The following MIOS variants were observed in gnomAD, a reference collection of about 807,000 sequenced individuals.
MIOS encodes GATOR2 complex protein MIOS.
A neutral mutation model predicts 96.9 loss-of-function variants in MIOS; 52 were observed. The observed-to-expected ratio is 0.54, with a 90% CI of 0.43 to 0.68. The LOEUF (loss-of-function observed/expected upper bound fraction) is 0.68, where lower values mean the gene tolerates loss of function less well. Among genes scored for constraint, MIOS ranks in the 30% least tolerant of loss-of-function variants. The pLI is 0.00. For synonymous variants in MIOS, 397 were observed against 359.5 expected, an observed-to-expected ratio of 1.10 and a Z score of -1.18; for missense variants, 1,005 against 1,052.8, an observed-to-expected ratio of 0.95 and a Z score of 0.63.
rs1483989220 is a variant in MIOS, at chr7:7,573,154, G to A, written c.679G>A (p.Val227Ile). 2 of 1,614,048 alleles carry A rather than the reference G, an allele frequency of 1.2e-6. No homozygotes were observed. The highest frequency in any genetic ancestry group is 2.2e-5 in the East Asian group (1 of 44,876). Residue 227 changes from valine (V) to isoleucine (I), a missense_variant, in exon 4 of 13, where the codon GTT becomes ATT. By Grantham distance (29) the Val-to-Ile change is conservative (BLOSUM62 3). Transcript: ENST00000340080. This position sits in a 1 kb window ranked among gnomAD's most constrained non-coding sequence, Gnocchi z 5.0. ...AAAGATGTTCGTAAATACAAAAGCTGTTCAGGGTGTGACGGTAGACCCATA... is the reference window on the plus strand; with the variant it reads ...AAAGATGTTCGTAAATACAAAAGCTATTCAGGGTGTGACGGTAGACCCATA... ...SQKMFVNTKA[V>I]QGVTVDPYFH...
At chr7:7,580,117 C>T (rs1004709154) in intron 5 of MIOS, among the ~76,000 whole-genome samples, 1 of 152,170 alleles carries the variant, frequency 6.6e-6, no homozygotes, top group Non-Finnish European at 1.5e-5. Flanking sequence ...TGAAAATACA[C>T]ACCTTATAAT....
At chr7:7,580,884 G>A (rs1240349832) in intron 5 of MIOS, among the ~76,000 whole-genome samples, 9 of 149,556 alleles carry the variant, frequency 6.0e-5, no homozygotes. Context: ...ACCGGGTTTT[G>A]CCATGTTGGC....
In MIOS at chr7:7,603,902, G is replaced by A. The variant is rs748356262; in HGVS notation, c.2402-2040G>A. 7.0e-3 allele frequency among the ~76,000 whole-genome samples: 1,061 copies of A among 152,170 alleles called. 9 individuals carry two copies. Among genetic ancestry groups the A allele is most frequent in the Non-Finnish European group, 8.1e-3 (554 of 68,008 alleles). On this transcript the variant is annotated intron_variant, in intron 11 of 12. Coordinates refer to ENST00000340080, the MANE Select transcript of MIOS (RefSeq NM_019005.4). ...CAGCCATAAAAAATGATGAGTTCAT[G>A]TCCTTTGTAGGGACATGGATGAAGC... is the stretch of plus-strand genomic sequence containing the variant.
chr7:7,585,330 A>G (rs1195387117), intron 6 of MIOS, among the ~76,000 whole-genome samples: 1 of 151,922 alleles, frequency 6.6e-6, no homozygotes, highest in African/African-American at 2.4e-5. Flanking sequence ...GTTTGCACAC[A>G]TGGGCATGAG....
chr7:7,594,622 CAG>C (rs1178913024), intron 9 of MIOS, among the ~76,000 whole-genome samples: 3 of 152,106 alleles, frequency 2.0e-5, no homozygotes, highest in Non-Finnish European at 2.9e-5. Flanking sequence ...TGATAGTAAA[CAG>C]AGTTTGTGAA....
chr7:7,595,303 C>T (rs890169301), intron 10 of MIOS, among the ~76,000 whole-genome samples, 171 bp downstream of exon 10: 14 of 152,220 alleles, frequency 9.2e-5, no homozygotes, highest in African/African-American at 3.4e-4. Flanking sequence ...TTCTTGCTAA[C>T]AATCATCTCA....
At chr7:7,585,573 G>T (rs1783863169) in intron 6 of MIOS, 63 bp from the exon 7 acceptor site, 2 of 1,387,322 alleles carry the variant, frequency 1.4e-6, no homozygotes, top group Non-Finnish European at 1.9e-6. Context: ...TATGGTTTAA[G>T]AAATGTAGAA....
At chr7:7,603,211 A>T (rs1320447334) in intron 11 of MIOS, among the ~76,000 whole-genome samples, 1 of 152,006 alleles carries the variant, frequency 6.6e-6, no homozygotes, top group Non-Finnish European at 1.5e-5. Context: ...CAAAATTGAC[A>T]AATGGGATCT....
intron 5 of MIOS, among the ~76,000 whole-genome samples, chr7:7,576,500 G>T (rs997286883): frequency 3.3e-5 from 5 of 152,166 alleles, no homozygotes; most frequent in Middle Eastern, 3.2e-3. Flanking sequence ...ACAAGGTCCA[G>T]ACAGGGAGCA....
Position 7,573,914 on chromosome 7 carries a change from T to C in MIOS, c.1294+145T>C. On this transcript the variant is annotated intron_variant, in intron 4 of 12. Coordinates refer to ENST00000340080, the MANE Select transcript of MIOS (RefSeq NM_019005.4). This position sits in a 1 kb window ranked among gnomAD's most constrained non-coding sequence, Gnocchi z 5.0. ...CTAACATTATAAAGTAAAATTGTTC[T>C]AAACTTTCGAACTTGAAATACTGCT... The C allele has an allele frequency of 9.7e-7, 1 of 1,027,428 alleles. No individual in the cohort carries two copies. Among genetic ancestry groups the C allele is most frequent in the Non-Finnish European group, 1.4e-6 (1 of 714,862 alleles). The allele number at this position is 1,027,428 out of a possible 1,614,324, so 63.6% of individuals were successfully genotyped here.
At chr7:7,586,822 G>A (rs573476354) in intron 7 of MIOS, among the ~76,000 whole-genome samples, 1 of 152,212 alleles carries the variant, frequency 6.6e-6, no homozygotes, top group East Asian at 1.9e-4. Flanking sequence ...GACTTTAAAT[G>A]TATCTTGGAG....
chr7:7,571,361 A>G (rs1455204756), intron 3 of MIOS, among the ~76,000 whole-genome samples: 1 of 152,222 alleles, frequency 6.6e-6, no homozygotes, highest in Non-Finnish European at 1.5e-5. Flanking sequence ...TGTAGAAGCG[A>G]AAACTGAAAG....
chr7:7,587,324 T>C (rs901421424), intron 7 of MIOS, among the ~76,000 whole-genome samples: 1 of 152,108 alleles, frequency 6.6e-6, no homozygotes. Flanking sequence ...CCTGCCCCAG[T>C]ATCCTTGTTT....
At chr7:7,567,354 C>A (rs1368240757) in intron 1 of MIOS, 1 of 152,508 alleles carries the variant, frequency 6.6e-6, no homozygotes, top group Non-Finnish European at 1.5e-5. Context: ...CCCAGCCTTT[C>A]CCGGGAGGCT....
At chr7:7,601,015 C>T (rs971796939) in intron 11 of MIOS, among the ~76,000 whole-genome samples, 5 of 152,084 alleles carry the variant, frequency 3.3e-5, no homozygotes, top group Non-Finnish European at 7.4e-5. Flanking sequence ...TTCTTTGAAA[C>T]CAACGAGAAC....
chr7:7,601,227 C>A (rs951836518), intron 11 of MIOS, among the ~76,000 whole-genome samples: 7 of 151,104 alleles, frequency 4.6e-5, no homozygotes, highest in African/African-American at 1.7e-4. Flanking sequence ...CAGAGCAGAA[C>A]TGAAGGAAAT....
At chr7:7,582,958 A>AATATGTTG in intron 5 of MIOS, 160 bp from the exon 6 acceptor site, 1 of 840,450 alleles carries the variant, frequency 1.2e-6, no homozygotes, top group Non-Finnish European at 1.7e-6. Context: ...AAACATGCAA[A>AATATGTTG]ATATGTTGTA....
intron 5 of MIOS, among the ~76,000 whole-genome samples, chr7:7,577,473 A>G (rs978340490): frequency 6.6e-6 from 1 of 152,210 alleles, no homozygotes; most frequent in Non-Finnish European, 1.5e-5. Context: ...GGAGGAGACA[A>G]ATCTGGAGCC....
chr7:7,590,926 A>G (rs139923630), intron 9 of MIOS, among the ~76,000 whole-genome samples: 23 of 152,360 alleles, frequency 1.5e-4, no homozygotes, highest in Non-Finnish European at 2.6e-4. Context: ...GATTTCATTT[A>G]CACATCCATT....
Sources: gnomAD v4.1 joint callset for allele counts (sites outside exome capture counted in the v4.1 genomes callset) on GRCh38, gnomAD v4.1.1 for gene constraint, Gnocchi (gnomAD v3.1) non-coding constraint, MANE v1.5 for transcripts, NCBI Gene and HGNC (gene_info 2026-07-23, HGNC 2026-07-21) for gene names.